The following TTC39B variants were observed in gnomAD, a reference collection of about 807,000 sequenced individuals.
TTC39B encodes the protein tetratricopeptide repeat domain 39B, also known as tetratricopeptide repeat protein 39B.
A neutral mutation model predicts 96.6 loss-of-function variants in TTC39B; 92 were observed. The observed-to-expected ratio is 0.95, with a 90% CI of 0.80 to 1.13. The LOEUF (loss-of-function observed/expected upper bound fraction) is 1.13, where lower values mean the gene tolerates loss of function less well. Among genes scored for constraint, TTC39B ranks in the 50% most tolerant of loss-of-function variants. The pLI, the probability that TTC39B is intolerant of heterozygous loss-of-function variation, is 0.00. For missense variants in TTC39B, 955 were observed against 809.3 expected, an observed-to-expected ratio of 1.18 and a Z score of -2.18; for synonymous variants, 367 against 299.4, an observed-to-expected ratio of 1.23 and a Z score of -2.33.
intron 2 of TTC39B, chr9:15,249,933 G>A (rs1470679690): frequency 2.3e-6 from 3 of 1,280,186 alleles, no homozygotes; most frequent in African/African-American, 3.1e-5. Flanking sequence ...TAGAGCAGCT[G>A]TAACTTTGGA....
chr9:15,171,911 GT>G (rs748813604), exon 20 of TTC39B: 3 of 781,774 alleles, frequency 3.8e-6, no homozygotes, highest in African/African-American at 1.8e-5. Context: ...CAAAAAAACT[GT>G]TTTTTTGTCT....
At chr9:15,187,357 G>A (rs748610789) in intron 14 of TTC39B, among the ~76,000 whole-genome samples, 3 of 152,172 alleles carry the variant, frequency 2.0e-5, no homozygotes, top group Non-Finnish European at 2.9e-5. Context: ...AAAAGCCTGG[G>A]CATCAGGGCA....
intron 2 of TTC39B, among the ~76,000 whole-genome samples, chr9:15,228,666 C>A (rs1234615196): frequency 6.6e-6 from 1 of 152,198 alleles, no homozygotes; most frequent in Non-Finnish European, 1.5e-5. Flanking sequence ...TTAAATACTT[C>A]ATAAGTTTCC....
chr9:15,187,063 G>C (rs774369540), intron 14 of TTC39B, 28 bp from the exon 15 acceptor site: 1 of 1,545,840 alleles, frequency 6.5e-7, no homozygotes, highest in Admixed American at 1.7e-5. Flanking sequence ...GCTTATTACA[G>C]AACATCCCTA....
intron 1 of TTC39B, among the ~76,000 whole-genome samples, chr9:15,284,430 T>C (rs184371773): frequency 6.6e-6 from 1 of 152,332 alleles, no homozygotes; most frequent in African/African-American, 2.4e-5. Context: ...ACCAAGATTA[T>C]GATACACACT....
Position 15,225,579 on chromosome 9 carries a change from C to G in TTC39B, c.371+338G>C, listed in dbSNP as rs187757643. 2.6e-3 allele frequency among the ~76,000 whole-genome samples: 397 copies of G among 152,134 alleles called. 1 individual carries two copies. The highest frequency in any genetic ancestry group is 4.3e-3 in the Non-Finnish European group (290 of 67,994). On this transcript the variant is annotated intron_variant, in intron 3 of 19. Coordinates refer to ENST00000512701, the Ensembl canonical transcript of TTC39B. Reference sequence around the variant, plus strand: ...CATCATTATGGTTGTTTCTCCTTTCCTCCATTTTCCCCAATGTTTGGCAGT... The same window carrying G: ...CATCATTATGGTTGTTTCTCCTTTCGTCCATTTTCCCCAATGTTTGGCAGT...
intron 16 of TTC39B, among the ~76,000 whole-genome samples, chr9:15,183,637 G>T (rs1452034803): frequency 2.6e-5 from 4 of 152,140 alleles, no homozygotes; most frequent in Non-Finnish European, 5.9e-5. Flanking sequence ...GGCAAAGAAA[G>T]ATGATAGTCT....
chr9:15,208,933 C>T (rs1235927974), intron 6 of TTC39B, among the ~76,000 whole-genome samples: 1 of 152,188 alleles, frequency 6.6e-6, no homozygotes, highest in Non-Finnish European at 1.5e-5. Flanking sequence ...AAAAATATGT[C>T]TGACATACAC....
At chr9:15,166,985 TATATATATATA>T (rs1564299622) in exon 20 of TTC39B, 78 of 4,802 alleles carry the variant, frequency 0.016, no homozygotes, top group African/African-American at 0.045. Context: ...CTTTATTTTA[TATATATATATA>T]TATATATATA....
chr9:15,288,941 T>C (rs1393624729), intron 1 of TTC39B, among the ~76,000 whole-genome samples: 3 of 152,238 alleles, frequency 2.0e-5, no homozygotes, highest in Non-Finnish European at 4.4e-5. Context: ...GGAACTCTCA[T>C]AGGCTATTAT....
intron 7 of TTC39B, among the ~76,000 whole-genome samples, chr9:15,203,187 C>G (rs1481291613): frequency 6.6e-6 from 1 of 152,226 alleles, no homozygotes; most frequent in Admixed American, 6.5e-5. Flanking sequence ...GGAGAATACT[C>G]TCCCGGTTTC....
At chr9:15,166,978 TA>T (rs576139061) in exon 20 of TTC39B, 100 of 63,674 alleles carry the variant, frequency 1.6e-3, no homozygotes, top group African/African-American at 5.5e-3. Flanking sequence ...CACAAACCTT[TA>T]TTTTATATAT....
At chr9:15,219,684 C>G (rs1038109650) in intron 3 of TTC39B, among the ~76,000 whole-genome samples, 4 of 152,170 alleles carry the variant, frequency 2.6e-5, no homozygotes, top group Non-Finnish European at 5.9e-5. Flanking sequence ...TCTCCCTCCT[C>G]CCCTCTTCAT....
At chr9:15,233,388 G>A (rs1821546413) in intron 2 of TTC39B, among the ~76,000 whole-genome samples, 1 of 151,896 alleles carries the variant, frequency 6.6e-6, no homozygotes, top group Admixed American at 6.6e-5. Context: ...TCTTTCCACG[G>A]TCTCCCTCTG....
chr9:15,293,246 T>C (rs998874566), intron 1 of TTC39B, among the ~76,000 whole-genome samples: 9 of 152,158 alleles, frequency 5.9e-5, no homozygotes, highest in African/African-American at 2.2e-4. Flanking sequence ...AGGTGTGTAG[T>C]AGGCTGTACC....
chr9:15,234,374 G>A (rs867938874), intron 2 of TTC39B, among the ~76,000 whole-genome samples: 16 of 143,598 alleles, frequency 1.1e-4, no homozygotes, highest in South Asian at 2.3e-4. Context: ...TCAGCCCCCC[G>A]CCCGGCCAGC....
intron 4 of TTC39B, among the ~76,000 whole-genome samples, chr9:15,212,536 C>G (rs1820266117): frequency 1.3e-5 from 2 of 152,216 alleles, no homozygotes; most frequent in Non-Finnish European, 2.9e-5. Flanking sequence ...AGTGATTCTC[C>G]TGCCTCGGCT....
intron 1 of TTC39B, among the ~76,000 whole-genome samples, chr9:15,298,841 C>T (rs1484590194): frequency 6.6e-6 from 1 of 152,168 alleles, no homozygotes; most frequent in Non-Finnish European, 1.5e-5. Context: ...GTCCAGAGCA[C>T]CACAGGATCT....
At chr9:15,261,455 A>G (rs1373314490) in intron 2 of TTC39B, among the ~76,000 whole-genome samples, 1 of 146,200 alleles carries the variant, frequency 6.8e-6, no homozygotes, top group Non-Finnish European at 1.5e-5. Flanking sequence ...AGCCTGGGAG[A>G]CAGAGTGAGA....
Sources: allele counts gnomAD v4.1 joint callset (sites outside exome capture counted in the v4.1 genomes callset), GRCh38; gene constraint gnomAD v4.1.1; transcripts MANE v1.5; gene names NCBI Gene and HGNC (gene_info 2026-07-23, HGNC 2026-07-21).